The following SDK2 variants were observed in gnomAD, a reference collection of about 807,000 sequenced individuals.
The protein encoded by SDK2 is protein sidekick-2.
Under a neutral mutation model 253.9 loss-of-function variants are expected in SDK2, and 105 were observed. That is an observed-to-expected ratio of 0.41 (90% confidence interval 0.35 to 0.49). The LOEUF (loss-of-function observed/expected upper bound fraction) is 0.49, where lower values mean the gene tolerates loss of function less well. SDK2 is among the 20% of genes least tolerant of loss of function. The pLI is 0.06. For synonymous variants in SDK2, 1,249 were observed against 1,234.9 expected (o/e 1.01, Z -0.24); for missense variants, 2,608 against 3,003.0 (o/e 0.87, Z 3.07).
chr17:73,435,686 C>G lies in SDK2; in HGVS notation c.1001-42G>C, dbSNP rs557397436. 1.8e-5 allele frequency: 27 copies of G among 1,500,958 alleles called. No homozygotes were observed. The highest frequency in any genetic ancestry group is 2.4e-5 in the Non-Finnish European group (27 of 1,119,194). The allele number at this position is 1,500,958 out of a possible 1,614,324, so 93.0% of individuals were successfully genotyped here. On this transcript the variant is annotated intron_variant, in intron 8 of 44. Transcript: ENST00000392650. This position sits in a 1 kb window ranked among gnomAD's most constrained non-coding sequence, Gnocchi z 5.7. ...GGCCCACCGTCAACCTGCCTCCTGCCTCCTCTCCGCCTAGGAGGGGTGCTT... is the reference window on the plus strand; with the variant it reads ...GGCCCACCGTCAACCTGCCTCCTGCGTCCTCTCCGCCTAGGAGGGGTGCTT...
At position 73,455,213 on chromosome 17, in the gene SDK2, C is replaced by G. The variant is rs2063516617; in HGVS notation, c.479+693G>C. Among the ~76,000 whole-genome samples, 1 of 152,038 alleles carries G rather than the reference C, an allele frequency of 6.6e-6. No individual in the cohort carries two copies. The highest frequency in any genetic ancestry group is 1.5e-5 in the Non-Finnish European group (1 of 68,002). ...AGCTGGAGTTGGAAAGAGGAGAGCC[C>G]CAGCTGCCTCCAGACCCGGGGGTGG... On this transcript the variant is annotated intron_variant, in intron 4 of 44. Coordinates refer to ENST00000392650, the MANE Select transcript of SDK2 (RefSeq NM_001144952.2). This position sits in a 1 kb window ranked among gnomAD's most constrained non-coding sequence, Gnocchi z 5.0.
At chr17:73,348,024 A>G (rs2062499861) in intron 44 of SDK2, among the ~76,000 whole-genome samples, 1 of 152,176 alleles carries the variant, frequency 6.6e-6, no homozygotes, top group Non-Finnish European at 1.5e-5. Flanking sequence ...TGAGGCTTAG[A>G]AAGGTTACTT....
Position 73,455,936 on chromosome 17 carries a change from T to C in SDK2, c.449A>G (p.Asp150Gly). 1 of 1,545,126 alleles carries C rather than the reference T, an allele frequency of 6.5e-7. No homozygotes were observed. The highest frequency in any genetic ancestry group is 1.4e-5 in the African/African-American group (1 of 72,812). Residue 150 changes from aspartate (D) to glycine (G), a missense_variant, in exon 4 of 45, where the codon GAC becomes GGC. Coordinates refer to ENST00000392650, the MANE Select transcript of SDK2 (RefSeq NM_001144952.2). The surrounding 1 kb of genome is among the most constrained non-coding windows in gnomAD (Gnocchi z 5.0). ...GCTGCTGGGCGGGATCTTGCGGCCG[T>C]CCCGGAACCAGGTCACCTGTGGCTG... The part of the protein sequence containing the change: ...FPQPQVTWFR[D>G]GRKIPPSSRI...
chr17:73,401,266 A>AC, intron 20 of SDK2, 55 bp from the exon 21 acceptor site: 2 of 1,449,422 alleles, frequency 1.4e-6, no homozygotes, highest in South Asian at 2.7e-5. Flanking sequence ...AGTTGGCCTG[A>AC]CCCACTACTC....
rs115963830 is a variant in SDK2 at position 73,340,362 on chromosome 17, G to T, written c.6166-1422C>A. 2.8e-3 allele frequency among the ~76,000 whole-genome samples: 426 copies of T among 152,250 alleles called. 3 individuals carry two copies. The highest frequency in any genetic ancestry group is 9.8e-3 in the African/African-American group (408 of 41,550). ...TCACTCCCTATCTCTGCCCCTACCG[G>T]TCACTCCCTATATCCATGCCCCTGG... is the stretch of plus-strand genomic sequence containing the variant. On this transcript the variant is annotated intron_variant, in intron 44 of 44. Coordinates refer to ENST00000392650, the MANE Select transcript of SDK2 (RefSeq NM_001144952.2).
chr17:73,483,453 C>T (rs1388729023), intron 2 of SDK2, among the ~76,000 whole-genome samples: 3 of 145,202 alleles, frequency 2.1e-5, no homozygotes, highest in Non-Finnish European at 3.0e-5. Context: ...ACTACAGATA[C>T]GTGCACCACC....
chr17:73,549,584 G>A (rs1406108795), intron 1 of SDK2, among the ~76,000 whole-genome samples: 1 of 152,030 alleles, frequency 6.6e-6, no homozygotes, highest in Non-Finnish European at 1.5e-5. Flanking sequence ...GATGGGTCAG[G>A]GAAGGCTTCC....
chr17:73,435,480 C>G lies in SDK2; in HGVS notation c.1165G>C (p.Val389Leu). The part of the protein sequence containing the change: ...QCFARNAAGE[V>L]QTSTYLAVTS... ...ACAGCCAGGTAGGTGGAAGTTTGCACCTCGCCGGCTGCATTGCGGGCGAAG... is the reference window on the plus strand; with the variant it reads ...ACAGCCAGGTAGGTGGAAGTTTGCAGCTCGCCGGCTGCATTGCGGGCGAAG... Residue 389 changes from valine (V) to leucine (L), a missense_variant, in exon 9 of 45, where the codon GTG (valine) becomes CTG (leucine). By Grantham distance (32) the Val-to-Leu change is conservative (BLOSUM62 1). Around this residue, in one of 2 missense-constraint regions of SDK2, gnomAD observed 1,505 missense variants for 1,859.1 expected, o/e 0.81. Coordinates refer to ENST00000392650, the MANE Select transcript of SDK2 (RefSeq NM_001144952.2). This position sits in a 1 kb window ranked among gnomAD's most constrained non-coding sequence, Gnocchi z 5.7. 6.3e-7 allele frequency: 1 copy of G among 1,598,068 alleles called. No homozygotes were observed. Among genetic ancestry groups the G allele is most frequent in the Non-Finnish European group, 8.5e-7 (1 of 1,172,452 alleles).
chr17:73,599,169 T>C (rs1308348992), intron 1 of SDK2, among the ~76,000 whole-genome samples: 1 of 152,182 alleles, frequency 6.6e-6, no homozygotes, highest in African/African-American at 2.4e-5. Context: ...CACTGATGTG[T>C]CTCTTGTAGT....
Position 73,447,581 on chromosome 17 carries a change from C to T in SDK2, c.613+34G>A. 6.4e-7 allele frequency: 1 copy of T among 1,551,278 alleles called. No homozygotes were observed. The highest frequency in any genetic ancestry group is 8.7e-7 in the Non-Finnish European group (1 of 1,146,578). The stretch of plus-strand genomic sequence containing the variant: ...ACCATTGCTAAGATTTAATGGCCCG[C>T]TCCAAGATCGGTCCCGGCCCTGTGC... On this transcript the variant is annotated intron_variant, in intron 5 of 44. Transcript: ENST00000392650. This position sits in a 1 kb window ranked among gnomAD's most constrained non-coding sequence, Gnocchi z 4.0.
At chr17:73,479,294 T>C (rs1468286434) in intron 2 of SDK2, among the ~76,000 whole-genome samples, 2 of 152,216 alleles carry the variant, frequency 1.3e-5, no homozygotes, top group African/African-American at 4.8e-5. Flanking sequence ...CATGGACTTT[T>C]GGGCAGCAGG....
intron 25 of SDK2, 120 bp from the exon 26 acceptor site, chr17:73,394,444 A>T: frequency 1.9e-6 from 1 of 526,194 alleles, no homozygotes. Context: ...TCTATGGAAG[A>T]AACGTGGCAC....
At chr17:73,381,892 TCAAAAAACAAAAAACAAAAAAA>T in intron 33 of SDK2, among the ~76,000 whole-genome samples, 1 of 149,574 alleles carries the variant, frequency 6.7e-6, no homozygotes, top group Admixed American at 6.7e-5. Flanking sequence ...AGACTCTGTC[TCAAAAAACAAAAAACAAAAAAA>T]CAAAAAACAA....
At position 73,423,015 on chromosome 17, in the gene SDK2, C is replaced by T. The variant is rs942207274; in HGVS notation, c.1897+371G>A. On this transcript the variant is annotated intron_variant, in intron 14 of 44. Coordinates refer to ENST00000392650, the MANE Select transcript of SDK2 (RefSeq NM_001144952.2). ...CAGCCTGGGTGACAAGTGTGAAACT[C>T]CGTCTCAAAAATGAATAAATAAATA... Among the ~76,000 whole-genome samples, 4 of 103,460 alleles carry T rather than the reference C, an allele frequency of 3.9e-5. No individual in the cohort carries two copies. In the South Asian group the frequency reaches 1.1e-3, roughly 28 times the overall value. The allele number at this position is 103,460 out of a possible 152,430, so 67.9% of individuals were successfully genotyped here. A position where few individuals can be genotyped will look rare whatever the true frequency, so the allele number is the denominator to read the frequency against.
At chr17:73,589,784 C>T (rs2045656943) in intron 1 of SDK2, among the ~76,000 whole-genome samples, 1 of 152,240 alleles carries the variant, frequency 6.6e-6, no homozygotes, top group Non-Finnish European at 1.5e-5. Context: ...AGGCAAGCCG[C>T]ACATTTGGTT....
At chr17:73,506,009 C>A (rs1313377499) in intron 2 of SDK2, among the ~76,000 whole-genome samples, 1 of 152,358 alleles carries the variant, frequency 6.6e-6, no homozygotes, top group East Asian at 1.9e-4. Flanking sequence ...AGATAAGGAA[C>A]CAACTCTCCT....
intron 44 of SDK2, among the ~76,000 whole-genome samples, chr17:73,343,759 C>G (rs1344982297): frequency 6.6e-6 from 1 of 152,176 alleles, no homozygotes; most frequent in Non-Finnish European, 1.5e-5. Flanking sequence ...CTTTTTTGTT[C>G]ATCTCCAGCC....
At chr17:73,381,828 CT>C (rs1278661561) in intron 33 of SDK2, among the ~76,000 whole-genome samples, 6 of 151,976 alleles carry the variant, frequency 3.9e-5, no homozygotes, top group African/African-American at 7.3e-5. Flanking sequence ...TCGCTTGAAC[CT>C]GGGCAGCAGA....
At chr17:73,551,171 G>T (rs1012452878) in intron 1 of SDK2, among the ~76,000 whole-genome samples, 1 of 152,168 alleles carries the variant, frequency 6.6e-6, no homozygotes, top group South Asian at 2.1e-4. Context: ...CGCTAGCCGG[G>T]GACTCCACGC....
Sources: gnomAD v4.1 joint callset for allele counts (sites outside exome capture counted in the v4.1 genomes callset) on GRCh38, gnomAD v4.1.1 for gene constraint, gnomAD v4.1.1 regional missense constraint, Gnocchi (gnomAD v3.1) non-coding constraint, MANE v1.5 for transcripts, NCBI Gene and HGNC (gene_info 2026-07-23, HGNC 2026-07-21) for gene names.